The following ADCY9 variants were observed in gnomAD, a reference collection of about 807,000 sequenced individuals.
ADCY9 encodes the protein adenylate cyclase type 9.
In ADCY9, 50 loss-of-function variants were observed where a neutral mutation model predicts 101.5. That is an observed-to-expected ratio of 0.49 (90% CI 0.39 to 0.62). The LOEUF (loss-of-function observed/expected upper bound fraction) is 0.62, where lower values mean the gene tolerates loss of function less well. Among genes scored for constraint, ADCY9 ranks in the 20% least tolerant of loss-of-function variants. The probability of loss-of-function intolerance (pLI) is 0.00; values close to 1 mark genes in which losing one functional copy is unlikely to be tolerated. For missense variants in ADCY9, 1,662 were observed against 1,800.4 expected (o/e 0.92, Z 1.39); for synonymous variants, 905 against 769.3 (o/e 1.18, Z -2.92).
intron 3 of ADCY9, 130 bp downstream of exon 3, chr16:4,007,238 G>A (rs570320140): frequency 6.6e-6 from 5 of 756,814 alleles, no homozygotes; most frequent in Middle Eastern, 4.0e-4. Context: ...TATTAAAATC[G>A]TGAAAACCAA....
At chr16:4,110,051 G>T (rs566658558) in intron 2 of ADCY9, among the ~76,000 whole-genome samples, 1 of 152,138 alleles carries the variant, frequency 6.6e-6, no homozygotes, top group Non-Finnish European at 1.5e-5. Flanking sequence ...GCCACAGCCT[G>T]ATCTCAGGAC....
chr16:3,989,086 C>G lies in ADCY9; in HGVS notation c.2218G>C (p.Asp740His), dbSNP rs2056222459. The G allele has an allele frequency of 6.2e-7, 1 of 1,613,308 alleles. No individual in the cohort carries two copies. The stretch of plus-strand genomic sequence containing the variant: ...TTAATGGGCGGCTTAAAAAAGTAAT[C>G]TTTCATCAGGCTAGAAGACACAACA... The part of the protein sequence containing the change: ...DVIKEDSLMK[D>H]YFFKPPINQF... Residue 740 changes from aspartate (D) to histidine (H), a missense_variant, in exon 6 of 11, where the codon GAT becomes CAT. Coordinates refer to ENST00000294016, the MANE Select transcript of ADCY9 (RefSeq NM_001116.4).
rs11359 is a variant in ADCY9 at position 3,963,555 on chromosome 16, A to C, written c.*2220T>G. On this transcript the variant is annotated 3_prime_UTR_variant, in exon 11 of 11. Coordinates refer to ENST00000294016, the MANE Select transcript of ADCY9 (RefSeq NM_001116.4). ...TCTGCACGGGGCTGAACCAGACTCC[A>C]CTTTGCAGCTCCTTGGTTTCCCGGG... 8.2e-3 allele frequency: 3,127 copies of C among 381,426 alleles called. 89 individuals carry two copies. Among genetic ancestry groups the C allele is most frequent in the African/African-American group, 0.059 (2,819 of 48,142 alleles). The allele number at this position is 381,426 out of a possible 1,614,324, so 23.6% of individuals were successfully genotyped here. A position where few individuals can be genotyped will look rare whatever the true frequency, so the allele number is the denominator to read the frequency against.
intron 2 of ADCY9, among the ~76,000 whole-genome samples, chr16:4,057,911 C>A (rs1459840053): frequency 6.6e-6 from 1 of 152,160 alleles, no homozygotes; most frequent in Admixed American, 6.6e-5. Context: ...GTAATCCCAG[C>A]ACTTTGGGAG....
intron 2 of ADCY9, among the ~76,000 whole-genome samples, chr16:4,017,858 C>T (rs1018325559): frequency 6.6e-6 from 1 of 152,208 alleles, no homozygotes; most frequent in African/African-American, 2.4e-5. Context: ...TGTAGTCCAA[C>T]CTAAAAACGC....
intron 2 of ADCY9, among the ~76,000 whole-genome samples, chr16:4,064,178 A>T (rs897087012): frequency 6.6e-6 from 1 of 152,260 alleles, no homozygotes; most frequent in African/African-American, 2.4e-5. Flanking sequence ...AAATAATTCC[A>T]TTTGTAATAG....
intron 3 of ADCY9, among the ~76,000 whole-genome samples, chr16:3,997,230 A>G (rs986589705): frequency 2.0e-5 from 3 of 152,182 alleles, no homozygotes; most frequent in Non-Finnish European, 4.4e-5. Flanking sequence ...CACTGGCTTT[A>G]TGAGATTTTC....
At chr16:4,095,282 T>G (rs1205644371) in intron 2 of ADCY9, among the ~76,000 whole-genome samples, 2 of 152,170 alleles carry the variant, frequency 1.3e-5, no homozygotes, top group African/African-American at 4.8e-5. Context: ...ATTACAGGCG[T>G]GAGCCACCGC....
At chr16:4,080,369 G>A (rs573966661) in intron 2 of ADCY9, among the ~76,000 whole-genome samples, 19 of 151,822 alleles carry the variant, frequency 1.3e-4, no homozygotes, top group African/African-American at 1.9e-4. Context: ...TTAGCCTCCC[G>A]AGTAGCTGAG....
chr16:4,089,556 T>A (rs894587219), intron 2 of ADCY9, among the ~76,000 whole-genome samples: 4 of 152,014 alleles, frequency 2.6e-5, no homozygotes, highest in African/African-American at 7.2e-5. Flanking sequence ...AGTTTTTGTG[T>A]GGATGTGTGT....
chr16:4,087,560 AAAAG>A (rs2056947103), intron 2 of ADCY9, among the ~76,000 whole-genome samples: 3 of 149,932 alleles, frequency 2.0e-5, no homozygotes, highest in South Asian at 4.2e-4. Context: ...AAAAAAAAAA[AAAAG>A]AAGAACAACA....
chr16:4,041,506 C>CAAA (rs55669348), intron 2 of ADCY9, among the ~76,000 whole-genome samples: 2 of 94,586 alleles, frequency 2.1e-5, no homozygotes, highest in African/African-American at 8.3e-5. Context: ...GTATTAAAAC[C>CAAA]AAAAAAAAAA....
At chr16:4,029,831 A>G (rs751009467) in intron 2 of ADCY9, among the ~76,000 whole-genome samples, 13 of 152,230 alleles carry the variant, frequency 8.5e-5, no homozygotes, top group Non-Finnish European at 1.9e-4. Context: ...AGAAAGCTGA[A>G]CAGGCACTTC....
chr16:3,981,060 C>T (rs1270986236), intron 7 of ADCY9, among the ~76,000 whole-genome samples: 2 of 152,188 alleles, frequency 1.3e-5, no homozygotes, highest in African/African-American at 4.8e-5. Context: ...ACCTGGGGTC[C>T]TCAACACGGC....
At chr16:4,078,128 C>T (rs183470655) in intron 2 of ADCY9, among the ~76,000 whole-genome samples, 48 of 152,312 alleles carry the variant, frequency 3.2e-4, no homozygotes, top group African/African-American at 1.1e-3. Flanking sequence ...AGTCACTCCA[C>T]TCCTATGCAT....
At chr16:4,045,802 G>A (rs2056659092) in intron 2 of ADCY9, among the ~76,000 whole-genome samples, 1 of 150,666 alleles carries the variant, frequency 6.6e-6, no homozygotes, top group African/African-American at 2.4e-5. Context: ...TGGCTCAAGT[G>A]ATCCTTTCAC....
intron 2 of ADCY9, among the ~76,000 whole-genome samples, chr16:4,097,453 C>CATATATATATATATAT (rs71394653): frequency 7.0e-5 from 5 of 71,058 alleles, no homozygotes; most frequent in Non-Finnish European, 1.1e-4. Flanking sequence ...TGTGGAGTTA[C>CATATATATATATATAT]ATATATATAT....
At chr16:3,983,190 C>G in intron 7 of ADCY9, 42 bp downstream of exon 7, 1 of 1,511,104 alleles carries the variant, frequency 6.6e-7, no homozygotes, top group Non-Finnish European at 8.9e-7. Flanking sequence ...GAAGAGGGAG[C>G]TAACGGCTCA....
chr16:4,029,558 C>A (rs2056540623), intron 2 of ADCY9, among the ~76,000 whole-genome samples: 1 of 152,130 alleles, frequency 6.6e-6, no homozygotes, highest in South Asian at 2.1e-4. Context: ...AGCAGCCTGG[C>A]CAACATGGTG....
Sources: gnomAD v4.1 joint callset for allele counts (sites outside exome capture counted in the v4.1 genomes callset) on GRCh38, gnomAD v4.1.1 for gene constraint, MANE v1.5 for transcripts, NCBI Gene and HGNC (gene_info 2026-07-23, HGNC 2026-07-21) for gene names.